The following CSGALNACT1 variants were observed in gnomAD, a reference collection of about 807,000 sequenced individuals.
CSGALNACT1 encodes the protein beta4GalNAcT-1.
CSGALNACT1 carries 52 observed loss-of-function variants against 51.0 expected under a neutral mutation model. The observed-to-expected ratio is 1.02, with a 90% confidence interval of 0.82 to 1.29. The LOEUF is 1.29. Ranked by LOEUF, CSGALNACT1 falls within the 50% of genes most tolerant of loss-of-function variation. CSGALNACT1 has a pLI of 0.00. For missense variants in CSGALNACT1, 935 were observed against 679.2 expected (o/e 1.38, Z -4.19); for synonymous variants, 341 against 254.4 (o/e 1.34, Z -3.24).
At chr8:19,503,584 G>T (rs1010558949) in intron 4 of CSGALNACT1, among the ~76,000 whole-genome samples, 1 of 151,802 alleles carries the variant, frequency 6.6e-6, no homozygotes, top group Non-Finnish European at 1.5e-5. Context: ...TTTTTTTAAT[G>T]ATGTTTAATG....
At chr8:19,514,558 C>T (rs766764574) in intron 3 of CSGALNACT1, among the ~76,000 whole-genome samples, 208 of 143,582 alleles carry the variant, frequency 1.4e-3, no homozygotes, top group African/African-American at 4.8e-3. Flanking sequence ...CAGTGGCTCT[C>T]GCCTGTAATC....
chr8:19,445,258 G>GCA (rs2061931516), intron 5 of CSGALNACT1, among the ~76,000 whole-genome samples: 1 of 152,142 alleles, frequency 6.6e-6, no homozygotes. Context: ...TAGAATACAA[G>GCA]CACACACACA....
At chr8:19,443,278 G>T (rs1349997935) in intron 5 of CSGALNACT1, among the ~76,000 whole-genome samples, 2 of 152,180 alleles carry the variant, frequency 1.3e-5, no homozygotes, top group Non-Finnish European at 2.9e-5. Flanking sequence ...GAATATATGT[G>T]CATGTAAATG....
intron 5 of CSGALNACT1, among the ~76,000 whole-genome samples, chr8:19,455,129 T>A (rs1471201228): frequency 2.6e-5 from 4 of 152,208 alleles, no homozygotes; most frequent in African/African-American, 4.8e-5. Flanking sequence ...CTGGAGTGAC[T>A]TTTTAAATAA....
At chr8:19,656,785 A>C (rs952415022) in intron 1 of CSGALNACT1, among the ~76,000 whole-genome samples, 1 of 152,252 alleles carries the variant, frequency 6.6e-6, no homozygotes, top group Non-Finnish European at 1.5e-5. Context: ...CAAACCATGT[A>C]GGCCAGATGC....
intron 4 of CSGALNACT1, among the ~76,000 whole-genome samples, chr8:19,483,066 C>A (rs1005027280): frequency 3.3e-5 from 5 of 152,180 alleles, no homozygotes; most frequent in Non-Finnish European, 5.9e-5. Flanking sequence ...AATTACCAAG[C>A]CCCATGGGTT....
At chr8:19,708,710 C>G (rs1438327111) in intron 1 of CSGALNACT1, among the ~76,000 whole-genome samples, 1 of 152,202 alleles carries the variant, frequency 6.6e-6, no homozygotes, top group African/African-American at 2.4e-5. Context: ...TCCATCCTCT[C>G]CCCATTCCAC....
At chr8:19,467,761 G>A (rs971195651) in intron 4 of CSGALNACT1, among the ~76,000 whole-genome samples, 1 of 152,170 alleles carries the variant, frequency 6.6e-6, no homozygotes, top group East Asian at 1.9e-4. Context: ...AAGGCAGGTG[G>A]ATCACTTGAG....
rs550312209 is a variant in CSGALNACT1 at position 19,654,735 on chromosome 8, G to A, written c.-544+27738C>T. Among the ~76,000 whole-genome samples, 5 of 152,028 alleles carry A rather than the reference G, an allele frequency of 3.3e-5. No individual in the cohort carries two copies. The East Asian group carries it at 5.8e-4, about 18-fold the overall frequency. Reference sequence around the variant, plus strand: ...ATTTTTTGTATTTTTGGTAGAGACAGGGTTTTGCTATGTTGCCCCGGCTAG... The same window carrying A: ...ATTTTTTGTATTTTTGGTAGAGACAAGGTTTTGCTATGTTGCCCCGGCTAG... On this transcript the variant is annotated intron_variant, in intron 1 of 9. Transcript: ENST00000332246.
chr8:19,559,830 T>C (rs901149220), intron 3 of CSGALNACT1, among the ~76,000 whole-genome samples: 8 of 152,188 alleles, frequency 5.3e-5, no homozygotes, highest in African/African-American at 1.9e-4. Flanking sequence ...AATGAACTTA[T>C]AGAATCAATA....
intron 2 of CSGALNACT1, among the ~76,000 whole-genome samples, chr8:19,594,570 T>C (rs1301426616): frequency 1.3e-5 from 2 of 152,142 alleles, no homozygotes; most frequent in African/African-American, 2.4e-5. Flanking sequence ...CAACTTTAGG[T>C]CGTGACTCAA....
At chr8:19,563,598 G>A (rs1236230485) in intron 3 of CSGALNACT1, among the ~76,000 whole-genome samples, 6 of 152,052 alleles carry the variant, frequency 3.9e-5, no homozygotes, top group African/African-American at 1.4e-4. Context: ...TCTTGAATAT[G>A]CCTGCTTCCT....
Position 19,664,666 on chromosome 8 carries a change from T to C in CSGALNACT1, c.-544+17807A>G, listed in dbSNP as rs561199268. Among the ~76,000 whole-genome samples the C allele has an allele frequency of 7.4e-3, 1,057 of 143,456 alleles. 6 individuals are homozygous for C. The highest frequency in any genetic ancestry group is 0.025 in the African/African-American group (976 of 39,374). 94.1% of individuals were successfully genotyped at this position (143,456 alleles called of 152,430 possible). A position where few individuals can be genotyped will look rare whatever the true frequency, so the allele number is the denominator to read the frequency against. On this transcript the variant is annotated intron_variant, in intron 1 of 9. Coordinates refer to the CSGALNACT1 transcript ENST00000332246. ...ACACAAACACACACACACACACACA[T>C]ACACACATACACACATATACACAAT...
At chr8:19,667,086 A>AG (rs1450062749) in intron 1 of CSGALNACT1, among the ~76,000 whole-genome samples, 1 of 125,786 alleles carries the variant, frequency 8.0e-6, no homozygotes, top group Non-Finnish European at 1.7e-5. Flanking sequence ...AAAGAAAGAA[A>AG]GAAAGAAAGA....
intron 3 of CSGALNACT1, among the ~76,000 whole-genome samples, chr8:19,540,490 T>G (rs1467175621): frequency 2.6e-5 from 4 of 152,188 alleles, no homozygotes; most frequent in African/African-American, 9.7e-5. Flanking sequence ...TTATAAACAC[T>G]TGTTTTGAAT....
exon 5 of CSGALNACT1, chr8:19,458,582 T>C (rs2064653305): frequency 1.2e-6 from 2 of 1,614,220 alleles, no homozygotes; most frequent in Non-Finnish European, 8.5e-7. Flanking sequence ...TTCGTGTTTG[T>C]GGTCCCCTTT....
intron 4 of CSGALNACT1, among the ~76,000 whole-genome samples, chr8:19,490,128 T>C (rs750692288): frequency 4.6e-5 from 7 of 152,296 alleles, no homozygotes; most frequent in East Asian, 1.9e-4. Flanking sequence ...TCCTGATCAA[T>C]AGCCCTGCTC....
chr8:19,416,334 C>T (rs537864849), intron 8 of CSGALNACT1, among the ~76,000 whole-genome samples: 3 of 152,118 alleles, frequency 2.0e-5, no homozygotes, highest in South Asian at 4.2e-4. Flanking sequence ...AGGCTGGTCT[C>T]GAACTCCTGA....
chr8:19,519,442 C>T (rs2958590), intron 3 of CSGALNACT1, among the ~76,000 whole-genome samples: 46,391 of 151,964 alleles, frequency 0.31, 9,590 homozygotes, highest in African/African-American at 0.6. Flanking sequence ...TTTCAATATA[C>T]AGAGAATTAA....
Sources: gnomAD v4.1 joint callset for allele counts (sites outside exome capture counted in the v4.1 genomes callset) on GRCh38, gnomAD v4.1.1 for gene constraint, MANE v1.5 for transcripts, NCBI Gene and HGNC (gene_info 2026-07-23, HGNC 2026-07-21) for gene names.